Variants in ZYG11B observed in about 807,000 individuals in gnomAD.
The protein encoded by ZYG11B is zyg-11 family member B, cell cycle regulator, also known as protein zyg-11 homolog B.
ZYG11B carries 36 observed loss-of-function variants against 82.4 expected under a neutral mutation model. The observed-to-expected ratio is 0.44, with a 90% CI of 0.33 to 0.58. The LOEUF is 0.58. Among genes scored for constraint, ZYG11B ranks in the 20% least tolerant of loss-of-function variants. The pLI, the probability that ZYG11B is intolerant of heterozygous loss-of-function variation, is 0.02. For synonymous variants in ZYG11B, 303 were observed against 312.8 expected (o/e 0.97, Z 0.33); for missense variants, 552 against 895.6 (o/e 0.62, Z 4.90).
At chr1:52,763,728 A>G (rs1220613824) in intron 2 of ZYG11B, among the ~76,000 whole-genome samples, 1 of 152,124 alleles carries the variant, frequency 6.6e-6, no homozygotes, top group Non-Finnish European at 1.5e-5. Context: ...CATGCTAAAA[A>G]TTTTCCAGGA....
At chr1:52,750,320 T>C (rs1644510508) in intron 1 of ZYG11B, among the ~76,000 whole-genome samples, 1 of 150,304 alleles carries the variant, frequency 6.7e-6, no homozygotes, top group South Asian at 2.1e-4. Flanking sequence ...TTACCCAGGC[T>C]AGAGTGCAGT....
At chr1:52,792,299 A>T (rs114664817) in intron 6 of ZYG11B, among the ~76,000 whole-genome samples, 11 of 152,324 alleles carry the variant, frequency 7.2e-5, no homozygotes, top group African/African-American at 2.6e-4. Flanking sequence ...AATGAAATGC[A>T]TTGTGCCCCC....
intron 1 of ZYG11B, among the ~76,000 whole-genome samples, chr1:52,743,165 TGTAGAGGGAA>T (rs941131922): frequency 6.6e-6 from 1 of 151,916 alleles, no homozygotes; most frequent in Admixed American, 6.6e-5. Context: ...GCTGTGTCTG[TGTAGAGGGAA>T]GTAGACGTAG....
intron 12 of ZYG11B, among the ~76,000 whole-genome samples, chr1:52,815,806 G>A (rs947233242): frequency 2.0e-5 from 3 of 148,502 alleles, no homozygotes; most frequent in East Asian, 2.0e-4. Flanking sequence ...GTGGTGGCAG[G>A]CGCCTGTAGT....
At chr1:52,777,202 C>G (rs941050735) in intron 3 of ZYG11B, among the ~76,000 whole-genome samples, 6 of 150,894 alleles carry the variant, frequency 4.0e-5, no homozygotes, top group Admixed American at 3.3e-4. Flanking sequence ...AGAGCAAGAC[C>G]GTATCTCAAA....
chr1:52,814,034 T>A (rs1269354674), intron 12 of ZYG11B, 122 bp downstream of exon 12: 41 of 921,228 alleles, frequency 4.5e-5, no homozygotes, highest in Non-Finnish European at 6.3e-5. Flanking sequence ...TTTATTTATT[T>A]ATTTTGAGAC....
At chr1:52,772,186 A>C in intron 3 of ZYG11B, 2 of 1,466,946 alleles carry the variant, frequency 1.4e-6, no homozygotes, top group Non-Finnish European at 1.9e-6. Context: ...TTGAGTACAC[A>C]GACAAATTTA....
chr1:52,761,120 A>T, intron 2 of ZYG11B, among the ~76,000 whole-genome samples: 1 of 152,182 alleles, frequency 6.6e-6, no homozygotes, highest in East Asian at 1.9e-4. Context: ...GTATGTCATG[A>T]TGCTTCAGTA....
At chr1:52,799,214 A>G (rs1645053711) in intron 8 of ZYG11B, among the ~76,000 whole-genome samples, 1 of 152,110 alleles carries the variant, frequency 6.6e-6, no homozygotes, top group African/African-American at 2.4e-5. Flanking sequence ...TAGGCCGGGC[A>G]TGGTGGGTCA....
At position 52,802,072 on chromosome 1, in the gene ZYG11B, G is replaced by C. The variant is rs762928420; in HGVS notation, c.1648-20G>C. ...TATTTGGTTCTTCAGGTAATTATAG[G>C]TTTCTTTTTCTTTTTACAGTCTTTC... On this transcript the variant is annotated intron_variant, in intron 9 of 13. Coordinates refer to ENST00000294353, the MANE Select transcript of ZYG11B (RefSeq NM_024646.3). 1.3e-6 allele frequency: 2 copies of C among 1,594,540 alleles called. No homozygotes were observed. The highest frequency in any genetic ancestry group is 2.3e-5 in the South Asian group (2 of 86,028).
intron 6 of ZYG11B, 45 bp from the exon 7 acceptor site, chr1:52,796,247 C>A: frequency 1.4e-6 from 2 of 1,457,964 alleles, no homozygotes; most frequent in Non-Finnish European, 1.9e-6. Flanking sequence ...GAAATTGTGC[C>A]TGGGCCTCCA....
At chr1:52,783,704 C>T (rs1446964458) in intron 4 of ZYG11B, among the ~76,000 whole-genome samples, 2 of 149,732 alleles carry the variant, frequency 1.3e-5, no homozygotes, top group Non-Finnish European at 3.0e-5. Context: ...TCACTACAGG[C>T]TCTGCCTCCC....
chr1:52,800,315 T>C (rs890896796), intron 8 of ZYG11B, among the ~76,000 whole-genome samples: 1 of 151,760 alleles, frequency 6.6e-6, no homozygotes, highest in East Asian at 1.9e-4. Flanking sequence ...AGGTAGTATA[T>C]GCTAAGTACG....
At chr1:52,802,342 T>G (rs865907840) in intron 10 of ZYG11B, among the ~76,000 whole-genome samples, 65 of 35,180 alleles carry the variant, frequency 1.8e-3, no homozygotes, top group Non-Finnish European at 2.2e-3. Context: ...CTTTCTCTCT[T>G]TTTTTTTTTT....
intron 10 of ZYG11B, among the ~76,000 whole-genome samples, chr1:52,806,634 C>G: frequency 6.6e-6 from 1 of 152,106 alleles, no homozygotes; most frequent in East Asian, 1.9e-4. Context: ...GCCATTTGTA[C>G]TTTCTTTTGA....
At chr1:52,802,724 TTGC>T in intron 10 of ZYG11B, among the ~76,000 whole-genome samples, 1 of 151,886 alleles carries the variant, frequency 6.6e-6, no homozygotes, top group Non-Finnish European at 1.5e-5. Context: ...AGAAAGAAAG[TTGC>T]TGCTGTGATA....
At chr1:52,794,176 A>G (rs1644987305) in intron 6 of ZYG11B, among the ~76,000 whole-genome samples, 1 of 151,962 alleles carries the variant, frequency 6.6e-6, no homozygotes, top group South Asian at 2.1e-4. Context: ...AGGTTTCACC[A>G]TGTTTGCCAG....
chr1:52,749,720 T>G (rs1644505876), intron 1 of ZYG11B, among the ~76,000 whole-genome samples: 1 of 151,854 alleles, frequency 6.6e-6, no homozygotes, highest in African/African-American at 2.4e-5. Context: ...GCTTGGCTAA[T>G]TTTTGTATTT....
At chr1:52,799,099 T>G (rs1251087799) in intron 8 of ZYG11B, among the ~76,000 whole-genome samples, 1 of 151,964 alleles carries the variant, frequency 6.6e-6, no homozygotes, top group Non-Finnish European at 1.5e-5. Context: ...CTGAGTTATA[T>G]CTATAAATTC....
Sources: allele counts gnomAD v4.1 joint callset (sites outside exome capture counted in the v4.1 genomes callset), GRCh38; gene constraint gnomAD v4.1.1; transcripts MANE v1.5; gene names NCBI Gene and HGNC (gene_info 2026-07-23, HGNC 2026-07-21).